Variants in AGBL4 observed in about 807,000 individuals in gnomAD.
AGBL4 encodes cytosolic carboxypeptidase 6.
AGBL4 carries 58 observed loss-of-function variants against 66.4 expected under a neutral mutation model. The ratio of observed to expected loss-of-function variants is 0.87; its 90% CI spans 0.71 to 1.09. The LOEUF is 1.09. AGBL4 is among the 50% of genes least tolerant of loss of function. The pLI is 0.00. For synonymous variants in AGBL4, 234 were observed against 222.9 expected (o/e 1.05, Z -0.44); for missense variants, 579 against 631.0 (o/e 0.92, Z 0.88).
At chr1:49,404,387 T>A (rs1645152016) in intron 3 of AGBL4, among the ~76,000 whole-genome samples, 3 of 152,168 alleles carry the variant, frequency 2.0e-5, no homozygotes, top group African/African-American at 4.8e-5. Flanking sequence ...TGCCACTATC[T>A]TGATCATGGA....
At chr1:49,983,551 A>G (rs966346647) in intron 1 of AGBL4, among the ~76,000 whole-genome samples, 2 of 152,242 alleles carry the variant, frequency 1.3e-5, no homozygotes, top group Non-Finnish European at 2.9e-5. Context: ...GGCCAGTGGC[A>G]TCTTTGCCCT....
chr1:49,948,590 G>T (rs1214160933), intron 1 of AGBL4, among the ~76,000 whole-genome samples: 27 of 139,702 alleles, frequency 1.9e-4, no homozygotes, highest in African/African-American at 4.8e-4. Context: ...TATAGAGAGA[G>T]AGAGAGAGAG....
intron 11 of AGBL4, among the ~76,000 whole-genome samples, chr1:48,575,385 G>A (rs1644636194): frequency 6.6e-6 from 1 of 152,178 alleles, no homozygotes; most frequent in Non-Finnish European, 1.5e-5. Context: ...GCAGGCGGGT[G>A]TTACTTGGTG....
At chr1:49,744,847 C>T (rs1650861426) in intron 2 of AGBL4, among the ~76,000 whole-genome samples, 1 of 151,952 alleles carries the variant, frequency 6.6e-6, no homozygotes, top group African/African-American at 2.4e-5. Flanking sequence ...ACTTAAGTTG[C>T]TATTAATTTG....
chr1:49,221,398 T>C (rs1649486457), intron 4 of AGBL4, among the ~76,000 whole-genome samples: 1 of 152,070 alleles, frequency 6.6e-6, no homozygotes, highest in African/African-American at 2.4e-5. Flanking sequence ...CAAGCTCACA[T>C]GGAACTACAA....
chr1:50,011,183 CTA>C (rs1437907930), intron 1 of AGBL4, among the ~76,000 whole-genome samples: 1 of 151,950 alleles, frequency 6.6e-6, no homozygotes, highest in East Asian at 1.9e-4. Context: ...TCAAACAACT[CTA>C]TAGGAAAAAA....
intron 4 of AGBL4, among the ~76,000 whole-genome samples, chr1:49,232,494 C>T (rs1211987333): frequency 1.3e-5 from 2 of 151,862 alleles, no homozygotes; most frequent in Non-Finnish European, 2.9e-5. Context: ...GTCAGGAGAT[C>T]GAGACCATCC....
At chr1:49,003,623 A>C (rs1251929661) in intron 5 of AGBL4, among the ~76,000 whole-genome samples, 1 of 151,990 alleles carries the variant, frequency 6.6e-6, no homozygotes, top group African/African-American at 2.4e-5. Context: ...GCCCCTTATC[A>C]ATGATCCTTT....
chr1:49,182,330 G>A (rs949157112), intron 4 of AGBL4, among the ~76,000 whole-genome samples: 1 of 152,192 alleles, frequency 6.6e-6, no homozygotes, highest in South Asian at 2.1e-4. Flanking sequence ...TCATAGGCTA[G>A]GATTTGGTTC....
intron 8 of AGBL4, among the ~76,000 whole-genome samples, chr1:48,642,085 G>A (rs1645765300): frequency 6.6e-6 from 1 of 152,086 alleles, no homozygotes; most frequent in South Asian, 2.1e-4. Context: ...ACTTTGGATT[G>A]AGAGCAGAGT....
chr1:49,728,551 T>C (rs1348149417), intron 2 of AGBL4, among the ~76,000 whole-genome samples: 1 of 152,078 alleles, frequency 6.6e-6, no homozygotes. Context: ...TTGCCAGAAA[T>C]GATACAGGAA....
intron 4 of AGBL4, among the ~76,000 whole-genome samples, chr1:49,113,544 C>T (rs774906299): frequency 3.9e-5 from 6 of 152,286 alleles, no homozygotes; most frequent in Non-Finnish European, 7.4e-5. Context: ...TGAGCCACTG[C>T]GCCCAGACAC....
intron 9 of AGBL4, 73 bp from the exon 10 acceptor site, chr1:48,591,058 T>TACAC: frequency 8.0e-7 from 1 of 1,246,808 alleles, no homozygotes. Context: ...GACACTACAC[T>TACAC]ACACACACAC....
At chr1:49,224,461 C>T (rs970887476) in intron 4 of AGBL4, among the ~76,000 whole-genome samples, 6 of 151,602 alleles carry the variant, frequency 4.0e-5, no homozygotes, top group Admixed American at 1.3e-4. Flanking sequence ...ACTAAAAATA[C>T]AAAAAATTAG....
chr1:48,776,350 T>C (rs1390389875), intron 6 of AGBL4, among the ~76,000 whole-genome samples: 1 of 151,944 alleles, frequency 6.6e-6, no homozygotes, highest in Non-Finnish European at 1.5e-5. Context: ...CAGACACAGA[T>C]GAAGAGATGA....
Position 49,512,546 on chromosome 1 carries a change from A to AC in AGBL4, c.282+184766dup, listed in dbSNP as rs899773542. ...TGTTAAGTTTGTGGCATTTCCTGCC[A>AC]CCCCCCCTCTTTCCTACTTCACCAT... On this transcript the variant is annotated intron_variant, in intron 3 of 13. Coordinates refer to ENST00000371839, the MANE Select transcript of AGBL4 (RefSeq NM_032785.4). Among the ~76,000 whole-genome samples the AC allele has an allele frequency of 1.2e-4, 17 of 146,686 alleles. No homozygotes were observed. In the East Asian group the frequency reaches 2.0e-3, roughly 17 times the overall value.
intron 2 of AGBL4, among the ~76,000 whole-genome samples, chr1:49,784,209 A>G (rs1644399563): frequency 6.6e-6 from 1 of 152,090 alleles, no homozygotes; most frequent in Non-Finnish European, 1.5e-5. Flanking sequence ...TGCATGTTGC[A>G]CCCTTCCCTA....
At chr1:48,713,172 A>G (rs1337858225) in intron 6 of AGBL4, among the ~76,000 whole-genome samples, 1 of 152,174 alleles carries the variant, frequency 6.6e-6, no homozygotes, top group Non-Finnish European at 1.5e-5. Context: ...GAGGGAAACA[A>G]AGAGAATTCA....
chr1:49,421,304 T>C (rs558609626), intron 3 of AGBL4, among the ~76,000 whole-genome samples: 1 of 151,224 alleles, frequency 6.6e-6, no homozygotes, highest in Admixed American at 6.6e-5. Flanking sequence ...TCCCTGAGGA[T>C]ACAGGAATGA....
Sources: allele counts gnomAD v4.1 joint callset (sites outside exome capture counted in the v4.1 genomes callset), GRCh38; gene constraint gnomAD v4.1.1; transcripts MANE v1.5; gene names NCBI Gene and HGNC (gene_info 2026-07-23, HGNC 2026-07-21).